The following MED23 variants were observed in gnomAD, a reference collection of about 807,000 sequenced individuals.
MED23 encodes mediator of RNA polymerase II transcription subunit 23.
Under a neutral mutation model 163.9 loss-of-function variants are expected in MED23, and 105 were observed. That is an observed-to-expected ratio of 0.64 (90% CI 0.55 to 0.75). The LOEUF (loss-of-function observed/expected upper bound fraction) is 0.75. MED23 is among the 30% of genes least tolerant of loss of function. The pLI is 0.00. For synonymous variants in MED23, 561 were observed against 565.6 expected, an observed-to-expected ratio of 0.99 and a Z score of 0.12; for missense variants, 1,054 against 1,649.0, an observed-to-expected ratio of 0.64 and a Z score of 6.25.
chr6:131,627,281 T>C (rs1777570786), intron 3 of MED23, 115 bp downstream of exon 3: 1 of 782,292 alleles, frequency 1.3e-6, no homozygotes, highest in East Asian at 2.5e-5. Flanking sequence ...ATTTTATTTC[T>C]CCCTTCTCAG....
At chr6:131,627,764 C>A in intron 1 of MED23, 92 bp from the exon 2 acceptor site, 1 of 1,229,184 alleles carries the variant, frequency 8.1e-7, no homozygotes, top group South Asian at 1.3e-5. Context: ...CAGGGCAAGT[C>A]ACCTTAATCA....
At chr6:131,626,443 G>T (rs1435978250) in intron 3 of MED23, among the ~76,000 whole-genome samples, 1 of 152,020 alleles carries the variant, frequency 6.6e-6, no homozygotes, top group African/African-American at 2.4e-5. Flanking sequence ...GAAGGAACAA[G>T]TAACGCTTGG....
chr6:131,585,480 TGGG>T (rs1774144468), downstream of MED23, among the ~76,000 whole-genome samples: 1 of 152,228 alleles, frequency 6.6e-6, no homozygotes, highest in Admixed American at 6.5e-5. Flanking sequence ...TACTTTTAGA[TGGG>T]AGCAATTATA....
At chr6:131,585,895 AATT>A (rs1294067741), downstream of MED23, among the ~76,000 whole-genome samples, 1 of 152,162 alleles carries the variant, frequency 6.6e-6, no homozygotes, top group Non-Finnish European at 1.5e-5. Flanking sequence ...ATTTGTAATA[AATT>A]AATTAGAATG....
At position 131,596,247 on chromosome 6, in the gene MED23, GA is replaced by G. The variant is rs1431828252; in HGVS notation, c.2779-85del. The stretch of plus-strand genomic sequence containing the variant: ...GAGCTAAATGTGAAAACATTGTTTA[GA>G]TTTTTTTTTGCAAGGAAACATTTAA... On this transcript the variant is annotated intron_variant, in intron 21 of 28. Coordinates refer to ENST00000368068, the MANE Select transcript of MED23 (RefSeq NM_004830.4). The G allele has an allele frequency of 4.7e-6, 6 of 1,275,310 alleles. No individual in the cohort carries two copies. The South Asian group carries it at 5.0e-5, about 11-fold the overall frequency. 79.0% of individuals were successfully genotyped at this position (1,275,310 alleles called of 1,614,324 possible).
rs572800462 is a variant in MED23 at position 131,594,316 on chromosome 6, C to T, written c.3015G>A (p.Leu1005=). 2.4e-5 allele frequency: 38 copies of T among 1,613,782 alleles called. No individual in the cohort carries two copies. Among genetic ancestry groups the T allele is most frequent in the Non-Finnish European group, 3.0e-5 (35 of 1,179,700 alleles). The part of the protein sequence containing the change: ...YKFHDRPVTY[L]YNTLHYYEMH... ...TTTCATAATAGTGCAGAGTGTTATACAGATAAGTCACTGGACGATCTGCCA... is the reference window on the plus strand; with the variant it reads ...TTTCATAATAGTGCAGAGTGTTATATAGATAAGTCACTGGACGATCTGCCA... The change falls in exon 23 of 29, where the codon CTG becomes CTA. Residue 1005 remains leucine (L), a synonymous_variant. Transcript: ENST00000368068.
At chr6:131,625,692 AT>A (rs901020030) in intron 3 of MED23, among the ~76,000 whole-genome samples, 2 of 151,824 alleles carry the variant, frequency 1.3e-5, no homozygotes, top group Non-Finnish European at 2.9e-5. Context: ...TGTTTAATGA[AT>A]TTTTTTTTAA....
At chr6:131,618,256 G>T in intron 9 of MED23, 151 bp downstream of exon 9, 1 of 696,230 alleles carries the variant, frequency 1.4e-6, no homozygotes. Flanking sequence ...GGTATATTTA[G>T]ATACTAGAAT....
intron 11 of MED23, among the ~76,000 whole-genome samples, chr6:131,609,523 T>G (rs2114693702): frequency 6.9e-6 from 1 of 144,942 alleles, no homozygotes; most frequent in South Asian, 2.2e-4. Context: ...TTTTTTTTTT[T>G]TTTTTTTGAC....
chr6:131,592,751 G>A, intron 24 of MED23: 1 of 602,260 alleles, frequency 1.7e-6, no homozygotes, highest in Admixed American at 3.0e-5. Context: ...TAAGTGACAA[G>A]TTAACATTAT....
chr6:131,603,827 C>T (rs1248695334), intron 15 of MED23, among the ~76,000 whole-genome samples: 1 of 152,154 alleles, frequency 6.6e-6, no homozygotes, highest in East Asian at 1.9e-4. Context: ...ACTTCGTATG[C>T]ACTGGAGGAC....
rs375938847 is a variant in MED23, at chr6:131,596,569, T to C, written c.2727A>G (p.Pro909=). Reference sequence around the variant, plus strand: ...GCCAGTCATTCTGTAACCAGTGCTCTGGGGAATTTTCCTTCACAAAGTCAC... The same window carrying C: ...GCCAGTCATTCTGTAACCAGTGCTCCGGGGAATTTTCCTTCACAAAGTCAC... ...RVSDFVKENS[P]EHWLQNDWHT... Residue 909 remains proline (P), a synonymous_variant, in exon 21 of 29, where the codon CCA becomes CCG. Transcript: ENST00000368068. The C allele has an allele frequency of 8.1e-6, 13 of 1,614,106 alleles. No homozygotes were observed. Among genetic ancestry groups the C allele is most frequent in the Non-Finnish European group, 1.1e-5 (13 of 1,180,038 alleles).
chr6:131,619,810 T>C lies in MED23; in HGVS notation c.667+17A>G. On this transcript the variant is annotated intron_variant, in intron 8 of 28. Transcript: ENST00000368068. ...AAAATCAGGTACTATTTGGCATATT[T>C]AAAATTATAATCCTACCACAAATGG... is the stretch of plus-strand genomic sequence containing the variant. The C allele has an allele frequency of 5.1e-6, 8 of 1,580,904 alleles. No homozygotes were observed. Among genetic ancestry groups the C allele is most frequent in the Non-Finnish European group, 7.0e-6 (8 of 1,150,666 alleles).
At chr6:131,574,377 T>C (rs1773513679) in intron 30 of MED23, 1 of 1,516,608 alleles carries the variant, frequency 6.6e-7, no homozygotes, top group Non-Finnish European at 9.2e-7. Context: ...TTGCTTCCCC[T>C]GGAAATCCTC....
At chr6:131,583,780 T>A (rs763302987), downstream of MED23, 1 of 1,613,950 alleles carries the variant, frequency 6.2e-7, no homozygotes, top group African/African-American at 1.3e-5. Context: ...AGTGAACCCA[T>A]CCCTGGGGAA....
chr6:131,580,418 A>G (rs1473820838), intron 30 of MED23, among the ~76,000 whole-genome samples: 1 of 152,246 alleles, frequency 6.6e-6, no homozygotes, highest in Non-Finnish European at 1.5e-5. Flanking sequence ...CTAAAAGCTC[A>G]TGATTCTCTG....
At chr6:131,616,276 C>G (rs574747938) in intron 9 of MED23, among the ~76,000 whole-genome samples, 1 of 152,202 alleles carries the variant, frequency 6.6e-6, no homozygotes, top group East Asian at 1.9e-4. Flanking sequence ...CTTCCAATCC[C>G]CCTTCCCCAG....
chr6:131,596,982 AT>A (rs1775095668), intron 20 of MED23, among the ~76,000 whole-genome samples: 1 of 152,078 alleles, frequency 6.6e-6, no homozygotes, highest in African/African-American at 2.4e-5. Flanking sequence ...TCCTAGAAAT[AT>A]TTTTTCTACA....
chr6:131,581,119 G>A (rs1773898063), intron 30 of MED23: 1 of 1,184,036 alleles, frequency 8.4e-7, no homozygotes. Flanking sequence ...ATCAGACACT[G>A]TGACTCAAAG....
Sources: gnomAD v4.1 joint callset for allele counts (sites outside exome capture counted in the v4.1 genomes callset) on GRCh38, gnomAD v4.1.1 for gene constraint, MANE v1.5 for transcripts, NCBI Gene and HGNC (gene_info 2026-07-23, HGNC 2026-07-21) for gene names.